RPGR: variants seen among roughly 807,000 people sequenced by gnomAD.
The protein encoded by RPGR is X-linked retinitis pigmentosa GTPase regulator.
In RPGR, 10 loss-of-function variants were observed where a neutral mutation model predicts 56.3. The ratio of observed to expected loss-of-function variants is 0.18; its 90% CI spans 0.11 to 0.30. The LOEUF (loss-of-function observed/expected upper bound fraction) is 0.30. Among genes scored for constraint, RPGR ranks in the 10% least tolerant of loss-of-function variants. The pLI is 1.00. For synonymous variants in RPGR, 197 were observed against 212.9 expected (o/e 0.93, Z 0.65); for missense variants, 538 against 590.9 (o/e 0.91, Z 0.93).
At chrX:38,273,905 A>G (rs2066885396) in intron 17 of RPGR, 1 of 115,283 alleles carries the variant, frequency 8.7e-6, no homozygotes, top group East Asian at 2.6e-4. Context: ...CATTGTTTTA[A>G]TTTTATATTA....
At chrX:38,304,368 G>A (rs1010621955) in intron 8 of RPGR, among the ~76,000 whole-genome samples, 1 of 112,016 alleles carries the variant, frequency 8.9e-6, no homozygotes, top group Non-Finnish European at 1.9e-5. Flanking sequence ...CCTGTTTTCT[G>A]ACAAAGAATA....
In RPGR at chrX:38,291,129, T is replaced by TATA. The variant is rs1555962915; in HGVS notation, c.1507-106_1507-105insTAT. 1.9e-4 allele frequency: 29 copies of TATA among 156,025 alleles called. 1 individual carries two copies. The South Asian group carries it at 6.7e-3, about 36-fold the overall frequency. The allele number at this position is 156,025 out of a possible 1,213,427, so 12.9% of individuals were successfully genotyped here. ...TATATTTTCAATTATATATATTTTTTTATATATATATATATATAAAATGAA... is the reference window on the plus strand; with the variant it reads ...TATATTTTCAATTATATATATTTTTTATATATATATATATATATATAAAATGAA... On this transcript the variant is annotated intron_variant, in intron 12 of 18. Transcript: ENST00000642395.
rs137918408 is a variant in RPGR at position 38,320,669 on chromosome X, A to C, written c.310+358T>G. 7.5e-3 allele frequency among the ~76,000 whole-genome samples: 843 copies of C among 111,989 alleles called. 7 individuals carry two copies. The highest frequency in any genetic ancestry group is 0.026 in the African/African-American group (803 of 30,812). Reference sequence around the variant, plus strand: ...CACACACACACACACAAAAGCTCATATGGATTTTGATGGGAATTATGCTCA... The same window carrying C: ...CACACACACACACACAAAAGCTCATCTGGATTTTGATGGGAATTATGCTCA... On this transcript the variant is annotated intron_variant, in intron 4 of 18. Coordinates refer to ENST00000642395, the MANE Select transcript of RPGR (RefSeq NM_000328.3).
At chrX:38,289,828 G>C (rs777578093) in intron 13 of RPGR, among the ~76,000 whole-genome samples, 1 of 112,280 alleles carries the variant, frequency 8.9e-6, no homozygotes, top group Non-Finnish European at 1.9e-5. Context: ...AGAGCCCTAA[G>C]AGAGGAAGGC....
chrX:38,289,075 C>G (rs755371595), intron 13 of RPGR, among the ~76,000 whole-genome samples: 1 of 111,471 alleles, frequency 9.0e-6, no homozygotes, highest in South Asian at 3.8e-4. Flanking sequence ...AGCCACCATG[C>G]CTGGCCTAAT....
In RPGR at chrX:38,304,543, C is replaced by G. The variant is rs41312159; in HGVS notation, c.934+92G>C. Reference sequence around the variant, plus strand: ...TTTTTCTCAGCCATTAATTCCTTTACTTAAGTTAGATACATTCATTTCACA... The same window carrying G: ...TTTTTCTCAGCCATTAATTCCTTTAGTTAAGTTAGATACATTCATTTCACA... On this transcript the variant is annotated intron_variant, in intron 8 of 18. Coordinates refer to ENST00000642395, the MANE Select transcript of RPGR (RefSeq NM_000328.3). The G allele has an allele frequency of 0.024, 17,677 of 730,919 alleles. 186 individuals carry two copies. The highest frequency in any genetic ancestry group is 0.034 in the Middle Eastern group (75 of 2,181). 60.2% of individuals were successfully genotyped at this position (730,919 alleles called of 1,213,427 possible).
intron 18 of RPGR, among the ~76,000 whole-genome samples, chrX:38,272,154 T>C (rs1041280297): frequency 4.5e-5 from 5 of 111,210 alleles, no homozygotes; most frequent in Non-Finnish European, 7.5e-5. Flanking sequence ...CATGTACCCA[T>C]AAAATAAAAA....
intron 18 of RPGR, among the ~76,000 whole-genome samples, chrX:38,270,458 C>A (rs867095628): frequency 9.4e-4 from 72 of 76,447 alleles, no homozygotes; most frequent in African/African-American, 1.0e-3. Context: ...ACTACAAATA[C>A]AAAAAAAAAA....
intron 8 of RPGR, chrX:38,302,702 T>C (rs2067522855): frequency 9.0e-6 from 1 of 111,119 alleles, no homozygotes; most frequent in Non-Finnish European, 1.9e-5. Context: ...AATAATATAA[T>C]TCAGTAAGGT....
chrX:38,270,303 G>T (rs1013401603), intron 18 of RPGR, among the ~76,000 whole-genome samples: 83 of 109,304 alleles, frequency 7.6e-4, no homozygotes, highest in African/African-American at 2.7e-3. Flanking sequence ...CTGTAGATGA[G>T]AACTTCTGGC....
chrX:38,305,746 A>AAAAATAAAAT lies in RPGR; in HGVS notation c.779-966_779-957dup, dbSNP rs5902182. 8.8e-3 allele frequency among the ~76,000 whole-genome samples: 754 copies of AAAAATAAAAT among 85,470 alleles called. 11 individuals carry two copies. The highest frequency in any genetic ancestry group is 0.031 in the African/African-American group (700 of 22,883). The allele number at this position is 85,470 out of a possible 115,157, so 74.2% of individuals were successfully genotyped here. ...GGGCAACAGAGCAAGACTCCATCTC[A>AAAAATAAAAT]AAAATAAAATAAAATAAAATAAAAT... is the stretch of plus-strand genomic sequence containing the variant. On this transcript the variant is annotated intron_variant, in intron 7 of 18. Coordinates refer to ENST00000642395, the MANE Select transcript of RPGR (RefSeq NM_000328.3).
chrX:38,287,012 T>C lies in RPGR; in HGVS notation c.1905+82A>G, dbSNP rs1349839521. 1.7e-6 allele frequency: 2 copies of C among 1,207,325 alleles called. No individual in the cohort carries two copies. The highest frequency in any genetic ancestry group is 3.5e-5 in the African/African-American group (2 of 56,366). On this transcript the variant is annotated intron_variant, in intron 15 of 18. Coordinates refer to ENST00000642395, the MANE Select transcript of RPGR (RefSeq NM_000328.3). ...TCTTGCCAGTGTTCTGCTCCTGAACTACCTTCCTCACAGGTTCCATCCCCT... is the reference window on the plus strand; with the variant it reads ...TCTTGCCAGTGTTCTGCTCCTGAACCACCTTCCTCACAGGTTCCATCCCCT...
In RPGR at chrX:38,280,941, G is replaced by A. The variant is rs146135168; in HGVS notation, c.1906-4169C>T. Among the ~76,000 whole-genome samples, 424 of 111,904 alleles carry A rather than the reference G, an allele frequency of 3.8e-3. 2 individuals are homozygous for A. Among genetic ancestry groups the A allele is most frequent in the African/African-American group, 0.013 (409 of 30,769 alleles). The stretch of plus-strand genomic sequence containing the variant: ...ACAAAATAAGTCTGCAGGCCAGACT[G>A]CACCCATGGGCTGCCAGTTGTGATC... On this transcript the variant is annotated intron_variant, in intron 15 of 18. Coordinates refer to ENST00000642395, the MANE Select transcript of RPGR (RefSeq NM_000328.3).
chrX:38,323,775 A>C (rs2067992850), intron 1 of RPGR, among the ~76,000 whole-genome samples: 1 of 112,224 alleles, frequency 8.9e-6, no homozygotes, highest in African/African-American at 3.2e-5. Flanking sequence ...AGTAAGAAAT[A>C]TACTATCACA....
At chrX:38,319,067 C>T (rs978823939) in intron 4 of RPGR, 80 bp from the exon 5 acceptor site, 7 of 1,014,066 alleles carry the variant, frequency 6.9e-6, no homozygotes, top group Non-Finnish European at 9.7e-6. Flanking sequence ...CAGCGATTTC[C>T]TCTATTAACA....
At chrX:38,299,198 T>G in intron 9 of RPGR, 57 bp from the exon 10 acceptor site, 1 of 1,116,851 alleles carries the variant, frequency 9.0e-7, no homozygotes, top group Non-Finnish European at 1.2e-6. Flanking sequence ...ACAAATGAGT[T>G]TTTAACAGTT....
rs372165314 is a variant in RPGR at position 38,271,724 on chromosome X, G to A, written c.2241+1662C>T. Reference sequence around the variant, plus strand: ...ACTTACTCTAACAGAGGCCTTAAAGGATTTCCACAAAAAAAGTACCAGTGA... The same window carrying A: ...ACTTACTCTAACAGAGGCCTTAAAGAATTTCCACAAAAAAAGTACCAGTGA... On this transcript the variant is annotated intron_variant, in intron 18 of 18. Coordinates refer to ENST00000642395, the MANE Select transcript of RPGR (RefSeq NM_000328.3). Among the ~76,000 whole-genome samples, 12 of 111,668 alleles carry A rather than the reference G, an allele frequency of 1.1e-4. No individual in the cohort carries two copies. The South Asian group carries it at 4.5e-3, about 42-fold the overall frequency.
chrX:38,290,523 A>G (rs2147210213), intron 13 of RPGR, among the ~76,000 whole-genome samples: 1 of 112,508 alleles, frequency 8.9e-6, no homozygotes, highest in South Asian at 3.7e-4. Context: ...AAAGATTTTC[A>G]CTAAAATCAC....
intron 15 of RPGR, chrX:38,286,769 C>A (rs1238760142): frequency 8.6e-7 from 1 of 1,156,842 alleles, no homozygotes; most frequent in Non-Finnish European, 1.1e-6. Context: ...TCTTCTCTGT[C>A]TCCCTCCTCT....
Sources: allele counts gnomAD v4.1 joint callset (sites outside exome capture counted in the v4.1 genomes callset), GRCh38; gene constraint gnomAD v4.1.1; transcripts MANE v1.5; gene names NCBI Gene and HGNC (gene_info 2026-07-23, HGNC 2026-07-21).